Variants in PDE8B observed in about 807,000 individuals in gnomAD.
The protein encoded by PDE8B is phosphodiesterase 8B.
Under a neutral mutation model 101.3 loss-of-function variants are expected in PDE8B, and 26 were observed. The ratio of observed to expected loss-of-function variants is 0.26; its 90% CI spans 0.19 to 0.36. The LOEUF (loss-of-function observed/expected upper bound fraction) is 0.36, where lower values mean the gene tolerates loss of function less well. Among genes scored for constraint, PDE8B ranks in the 10% least tolerant of loss-of-function variants. The probability of loss-of-function intolerance (pLI) is 1.00; values close to 1 mark genes in which losing one functional copy is unlikely to be tolerated. For synonymous variants in PDE8B, 424 were observed against 429.3 expected, an observed-to-expected ratio of 0.99 and a Z score of 0.15; for missense variants, 810 against 1,163.1, an observed-to-expected ratio of 0.70 and a Z score of 4.42.
chr5:77,117,511 G>A, the PDE8B span, among the ~76,000 whole-genome samples: 1 of 152,180 alleles, frequency 6.6e-6, no homozygotes, highest in Non-Finnish European at 1.5e-5. Flanking sequence ...TGATAGTATG[G>A]TTCCTGGGTG....
chr5:77,249,751 C>T (rs1013798762), intron 1 of PDE8B, among the ~76,000 whole-genome samples: 2 of 152,188 alleles, frequency 1.3e-5, no homozygotes, highest in African/African-American at 2.4e-5. Context: ...CTCTTGTTTA[C>T]CTGAAGCATG....
the PDE8B span, among the ~76,000 whole-genome samples, chr5:77,162,605 A>G: frequency 6.6e-6 from 1 of 152,228 alleles, no homozygotes; most frequent in Non-Finnish European, 1.5e-5. Context: ...AGACCTGCAC[A>G]TATACAACCA....
chr5:77,338,517 T>TTGC (rs1778592473), intron 6 of PDE8B, among the ~76,000 whole-genome samples: 1 of 152,234 alleles, frequency 6.6e-6, no homozygotes, highest in Non-Finnish European at 1.5e-5. Flanking sequence ...GTAAGAAATA[T>TTGC]TGCCAAAGAC....
the PDE8B span, among the ~76,000 whole-genome samples, chr5:77,172,234 G>A: frequency 6.6e-6 from 1 of 152,166 alleles, no homozygotes; most frequent in Non-Finnish European, 1.5e-5. Context: ...TTTGTTCATT[G>A]TTGACTCCTC....
At chr5:77,195,062 A>G in the PDE8B span, among the ~76,000 whole-genome samples, 2 of 152,200 alleles carry the variant, frequency 1.3e-5, no homozygotes, top group Non-Finnish European at 2.9e-5. Context: ...CTATAACAGA[A>G]TACCTGAGGC....
chr5:77,396,218 T>TGGAAG (rs1791029392), intron 10 of PDE8B, among the ~76,000 whole-genome samples: 1 of 152,240 alleles, frequency 6.6e-6, no homozygotes, highest in Non-Finnish European at 1.5e-5. Context: ...TACTTGGGTT[T>TGGAAG]TGCCCTTCCC....
At chr5:77,263,948 C>T (rs1431998460) in intron 1 of PDE8B, among the ~76,000 whole-genome samples, 1 of 152,178 alleles carries the variant, frequency 6.6e-6, no homozygotes, top group African/African-American at 2.4e-5. Context: ...CTCTCATTAG[C>T]AGCCCCAGCC....
chr5:77,290,299 A>G (rs539690204), intron 1 of PDE8B: 14 of 1,543,646 alleles, frequency 9.1e-6, no homozygotes, highest in South Asian at 2.3e-5. Context: ...CAGCCCCAGT[A>G]TGCATGGCTG....
At chr5:77,421,537 G>A (rs926942921) in intron 19 of PDE8B, among the ~76,000 whole-genome samples, 27 of 152,172 alleles carry the variant, frequency 1.8e-4, no homozygotes, top group Non-Finnish European at 2.8e-4. Flanking sequence ...CTCTAGGGAA[G>A]AAAATGGATG....
intron 10 of PDE8B, among the ~76,000 whole-genome samples, chr5:77,361,327 T>A (rs1783054488): frequency 6.6e-6 from 1 of 152,202 alleles, no homozygotes; most frequent in Non-Finnish European, 1.5e-5. Flanking sequence ...GAAGAAAATG[T>A]TAATAATACA....
chr5:77,316,302 C>A (rs931882469), intron 2 of PDE8B, among the ~76,000 whole-genome samples: 1 of 152,132 alleles, frequency 6.6e-6, no homozygotes, highest in Non-Finnish European at 1.5e-5. Context: ...GGCACGATCT[C>A]GGCTCACTGC....
intron 1 of PDE8B, among the ~76,000 whole-genome samples, chr5:77,273,529 A>G (rs1763195766): frequency 6.6e-6 from 1 of 152,190 alleles, no homozygotes; most frequent in African/African-American, 2.4e-5. Context: ...GGTAGAGATG[A>G]CTTTAAACAC....
chr5:77,219,602 A>G (rs1750638452), intron 1 of PDE8B, among the ~76,000 whole-genome samples: 1 of 152,320 alleles, frequency 6.6e-6, no homozygotes, highest in East Asian at 1.9e-4. Flanking sequence ...AACGAGAGCA[A>G]TGACCAAATG....
At chr5:77,204,410 C>CAAAAAAA in the PDE8B span, among the ~76,000 whole-genome samples, 4,418 of 105,538 alleles carry the variant, frequency 0.042, 103 homozygotes, top group African/African-American at 0.079. Context: ...GACTCTGTCT[C>CAAAAAAA]AAAAAAAAAA....
the PDE8B span, chr5:77,100,126 G>T: frequency 6.6e-6 from 1 of 152,180 alleles, no homozygotes; most frequent in African/African-American, 2.4e-5. Flanking sequence ...TGTGGTTTAT[G>T]TACATCTATT....
At chr5:77,196,597 T>C in the PDE8B span, among the ~76,000 whole-genome samples, 5 of 152,214 alleles carry the variant, frequency 3.3e-5, no homozygotes, top group Non-Finnish European at 7.3e-5. Context: ...TGCTCAATTG[T>C]GTTAAAGATT....
At chr5:77,362,659 G>T (rs1288256770) in intron 10 of PDE8B, among the ~76,000 whole-genome samples, 1 of 152,180 alleles carries the variant, frequency 6.6e-6, no homozygotes, top group Non-Finnish European at 1.5e-5. Flanking sequence ...CCATCATCAG[G>T]CATCTTTGAG....
At chr5:77,197,539 C>G in the PDE8B span, among the ~76,000 whole-genome samples, 1 of 150,928 alleles carries the variant, frequency 6.6e-6, no homozygotes, top group African/African-American at 2.4e-5. Flanking sequence ...TTTTTTTCCC[C>G]TAGTTTCTTA....
intron 5 of PDE8B, among the ~76,000 whole-genome samples, chr5:77,333,829 T>C (rs2150312754): frequency 6.6e-6 from 1 of 152,380 alleles, no homozygotes; most frequent in East Asian, 1.9e-4. Context: ...CATTTGCCAC[T>C]ATCCAGACAT....
Sources: gnomAD v4.1 joint callset for allele counts (sites outside exome capture counted in the v4.1 genomes callset) on GRCh38, gnomAD v4.1.1 for gene constraint, MANE v1.5 for transcripts, NCBI Gene and HGNC (gene_info 2026-07-23, HGNC 2026-07-21) for gene names.